SYNE2: variants seen among roughly 807,000 people sequenced by gnomAD.
SYNE2 encodes nesprin-2.
SYNE2 carries 431 observed loss-of-function variants against 856.3 expected under a neutral mutation model. The observed-to-expected ratio is 0.50, with a 90% CI of 0.47 to 0.55. The LOEUF (loss-of-function observed/expected upper bound fraction) is 0.55. Among genes scored for constraint, SYNE2 ranks in the 20% least tolerant of loss-of-function variants. The probability of loss-of-function intolerance (pLI) is 0.00; values close to 1 mark genes in which losing one functional copy is unlikely to be tolerated. For synonymous variants in SYNE2, 2,923 were observed against 2,872.3 expected, an observed-to-expected ratio of 1.02 and a Z score of -0.56; for missense variants, 8,129 against 8,023.2, an observed-to-expected ratio of 1.01 and a Z score of -0.50.
chr14:64,215,465 G>T, intron 107 of SYNE2, 111 bp downstream of exon 107: 1 of 1,060,240 alleles, frequency 9.4e-7, no homozygotes. Context: ...GACACCATGC[G>T]CCTTGGTCCT....
intron 11 of SYNE2, among the ~76,000 whole-genome samples, chr14:63,969,368 G>A (rs1237270433): frequency 7.9e-6 from 1 of 126,002 alleles, no homozygotes; most frequent in South Asian, 2.5e-4. Context: ...TTGAGATGGG[G>A]TCTTGTTCTG....
At chr14:63,877,025 A>G (rs919494770) in intron 1 of SYNE2, among the ~76,000 whole-genome samples, 1 of 152,196 alleles carries the variant, frequency 6.6e-6, no homozygotes, top group African/African-American at 2.4e-5. Context: ...GTCTCTAAGG[A>G]TGAAAGGATG....
chr14:63,935,843 A>G (rs374116890), intron 2 of SYNE2, among the ~76,000 whole-genome samples: 2 of 152,136 alleles, frequency 1.3e-5, no homozygotes, highest in African/African-American at 4.8e-5. Context: ...GTCAGACCTC[A>G]TCTCTACTAA....
At chr14:63,987,001 C>T (rs960682369) in intron 19 of SYNE2, among the ~76,000 whole-genome samples, 1 of 152,146 alleles carries the variant, frequency 6.6e-6, no homozygotes, top group African/African-American at 2.4e-5. Flanking sequence ...CACCTGCAAT[C>T]CCAGCACTTT....
intron 78 of SYNE2, among the ~76,000 whole-genome samples, chr14:64,135,385 A>G (rs535816738): frequency 6.6e-6 from 1 of 152,230 alleles, no homozygotes; most frequent in South Asian, 2.1e-4. Context: ...AGAGGCTGGG[A>G]CACTGTATTT....
chr14:63,876,574 G>A (rs920933716), intron 1 of SYNE2, among the ~76,000 whole-genome samples: 3 of 150,450 alleles, frequency 2.0e-5, no homozygotes, highest in Non-Finnish European at 2.9e-5. Context: ...TGCAAGCTCC[G>A]CCTCCCAGGT....
intron 1 of SYNE2, among the ~76,000 whole-genome samples, chr14:63,869,522 T>C (rs1171798156): frequency 6.7e-6 from 1 of 149,920 alleles, no homozygotes; most frequent in African/African-American, 2.5e-5. Context: ...CTCGGGAGGC[T>C]GAGGCAGGAG....
intron 1 of SYNE2, among the ~76,000 whole-genome samples, chr14:63,765,878 C>T (rs771193638): frequency 4.9e-4 from 74 of 152,128 alleles, no homozygotes; most frequent in Non-Finnish European, 2.8e-4. Context: ...TGTTGGTGCA[C>T]GCCTGTAGTC....
intron 1 of SYNE2, among the ~76,000 whole-genome samples, chr14:63,861,143 T>A (rs1893523214): frequency 8.9e-6 from 1 of 112,844 alleles, no homozygotes; most frequent in African/African-American, 3.0e-5. Context: ...TTTACCACAT[T>A]GTTTTTTTTT....
intron 1 of SYNE2, among the ~76,000 whole-genome samples, chr14:63,860,869 T>C (rs1333676724): frequency 6.6e-6 from 1 of 152,094 alleles, no homozygotes. Flanking sequence ...AGTGGGGTAA[T>C]TGGTAGTCAC....
At chr14:64,087,241 A>G (rs2097570462) in intron 57 of SYNE2, among the ~76,000 whole-genome samples, 1 of 152,128 alleles carries the variant, frequency 6.6e-6, no homozygotes. Context: ...TGTGTAAGTG[A>G]ATGTTCTTTC....
At chr14:63,953,543 G>GAT (rs1595856502) in intron 7 of SYNE2, among the ~76,000 whole-genome samples, 104 of 90,618 alleles carry the variant, frequency 1.1e-3, no homozygotes, top group East Asian at 2.5e-3. Context: ...GAGAGAGAGA[G>GAT]AGATAGATAG....
At chr14:64,125,008 T>TA in intron 70 of SYNE2, 71 bp from the exon 71 acceptor site, 14 of 1,590,944 alleles carry the variant, frequency 8.8e-6, no homozygotes, top group African/African-American at 1.4e-5. Context: ...ATCTCGAAAA[T>TA]AAAAAAATAA....
At chr14:63,903,013 T>C (rs1226956544) in intron 1 of SYNE2, among the ~76,000 whole-genome samples, 1 of 152,174 alleles carries the variant, frequency 6.6e-6, no homozygotes, top group East Asian at 1.9e-4. Context: ...TTTCAAAGCC[T>C]TTCTAGCTTC....
chr14:64,112,998 C>T (rs757930374), intron 65 of SYNE2: 17 of 985,242 alleles, frequency 1.7e-5, no homozygotes, highest in Non-Finnish European at 2.0e-5. Flanking sequence ...TAACGCTAAA[C>T]ACTGGCCAAT....
rs1314744758 is a variant in SYNE2, at chr14:64,213,017, G to C, written c.19056+12G>C. Reference sequence around the variant, plus strand: ...CCTCCTGCACTCCGGTACGGGCACTGCTGCCTAGAAATGGCACCTGGGCTG... The same window carrying C: ...CCTCCTGCACTCCGGTACGGGCACTCCTGCCTAGAAATGGCACCTGGGCTG... On this transcript the variant is annotated intron_variant, in intron 105 of 115. Transcript: ENST00000555002. 3 of 1,612,560 alleles carry C rather than the reference G, an allele frequency of 1.9e-6. No homozygotes were observed. The South Asian group carries it at 3.3e-5, about 18-fold the overall frequency.
intron 10 of SYNE2, among the ~76,000 whole-genome samples, chr14:63,965,960 G>T (rs894767802): frequency 6.6e-5 from 10 of 152,142 alleles, no homozygotes; most frequent in Non-Finnish European, 1.5e-4. Flanking sequence ...TCCTAAATAG[G>T]AAGAAGGCTT....
chr14:63,864,343 T>A (rs1219156933), intron 1 of SYNE2: 1 of 152,264 alleles, frequency 6.6e-6, no homozygotes, highest in African/African-American at 2.4e-5. Flanking sequence ...TATAAAAGTG[T>A]TTAATCCAGT....
intron 1 of SYNE2, among the ~76,000 whole-genome samples, chr14:63,855,704 G>A (rs746556657): frequency 3.3e-5 from 5 of 152,034 alleles, no homozygotes; most frequent in East Asian, 1.9e-4. Context: ...TTTTTCCTCC[G>A]TAGCACTTAT....
Sources: gnomAD v4.1 joint callset for allele counts (sites outside exome capture counted in the v4.1 genomes callset) on GRCh38, gnomAD v4.1.1 for gene constraint, MANE v1.5 for transcripts, NCBI Gene and HGNC (gene_info 2026-07-23, HGNC 2026-07-21) for gene names.